Variants in BRD9 observed in about 807,000 individuals in gnomAD.
BRD9 encodes bromodomain containing 9.
A neutral mutation model predicts 68.7 loss-of-function variants in BRD9; 47 were observed. That is an observed-to-expected ratio of 0.68 (90% CI 0.54 to 0.87). The LOEUF (loss-of-function observed/expected upper bound fraction) is 0.87, where lower values mean the gene tolerates loss of function less well. Among genes scored for constraint, BRD9 ranks in the 40% least tolerant of loss-of-function variants. The pLI is 0.00. For synonymous variants in BRD9, 313 were observed against 293.9 expected (o/e 1.06, Z -0.67); for missense variants, 670 against 748.4 (o/e 0.90, Z 1.22).
intron 11 of BRD9, among the ~76,000 whole-genome samples, chr5:877,277 G>A (rs1456447330): frequency 6.6e-6 from 1 of 152,244 alleles, no homozygotes; most frequent in East Asian, 1.9e-4. Flanking sequence ...CACAGCAGGG[G>A]TGAGGTGAGG....
chr5:885,537 G>A (rs914809451), intron 7 of BRD9, among the ~76,000 whole-genome samples: 4 of 152,184 alleles, frequency 2.6e-5, no homozygotes, highest in African/African-American at 9.7e-5. Flanking sequence ...AACTCCAGAC[G>A]GTCCCTGACT....
At chr5:865,927 A>C in intron 14 of BRD9, 5 of 197,702 alleles carry the variant, frequency 2.5e-5, no homozygotes, top group East Asian at 1.2e-4. Context: ...TCAACACACA[A>C]AGGCCAGACA....
intron 14 of BRD9, chr5:868,773 C>G (rs1749718604): frequency 6.5e-6 from 1 of 153,100 alleles, no homozygotes; most frequent in African/African-American, 2.4e-5. Context: ...GGATGTCACT[C>G]TTGTCCCTCT....
At chr5:883,668 G>A in intron 8 of BRD9, 1 of 535,774 alleles carries the variant, frequency 1.9e-6, no homozygotes. Context: ...GGATTAGCCT[G>A]CAGCAGGGCC....
At chr5:892,228 G>A (rs532769296) in intron 1 of BRD9, 9 of 443,050 alleles carry the variant, frequency 2.0e-5, no homozygotes, top group African/African-American at 1.4e-4. Flanking sequence ...AGGCGCCCGT[G>A]CTGCCCGCTG....
At chr5:877,452 T>A (rs1751121700) in intron 11 of BRD9, among the ~76,000 whole-genome samples, 1 of 152,244 alleles carries the variant, frequency 6.6e-6, no homozygotes. Context: ...GGATTCTTGT[T>A]TATTTTTAAA....
intron 12 of BRD9, among the ~76,000 whole-genome samples, 187 bp downstream of exon 12, chr5:875,914 G>C (rs1378494420): frequency 6.6e-6 from 1 of 152,232 alleles, no homozygotes; most frequent in Non-Finnish European, 1.5e-5. Flanking sequence ...GGAGTGGTGA[G>C]CACACAGTCA....
chr5:864,656 C>A, intron 15 of BRD9, 88 bp from the exon 16 acceptor site: 1 of 1,208,062 alleles, frequency 8.3e-7, no homozygotes, highest in Admixed American at 2.0e-5. Context: ...TGCTTCCTGA[C>A]CTACCGCCAG....
chr5:879,038 G>A, intron 10 of BRD9: 1 of 7,718 alleles, frequency 1.3e-4, no homozygotes, highest in South Asian at 1.6e-3. Context: ...GTGTTAGAGG[G>A]TGAGAAGAAG....
At chr5:869,562 T>C (rs557327033) in intron 14 of BRD9, among the ~76,000 whole-genome samples, 2 of 152,316 alleles carry the variant, frequency 1.3e-5, no homozygotes, top group South Asian at 2.1e-4. Flanking sequence ...TCTGGTACCT[T>C]TGAGGGCCTC....
chr5:888,075 C>T (rs1230277243), intron 5 of BRD9, among the ~76,000 whole-genome samples: 2 of 152,200 alleles, frequency 1.3e-5, no homozygotes, highest in African/African-American at 2.4e-5. Context: ...AGCATGACCC[C>T]GGAGGCCGGC....
In BRD9 at chr5:878,353, G is replaced by C. The variant is rs755685034; in HGVS notation, c.1271+2C>G. 1.2e-6 allele frequency: 2 copies of C among 1,613,546 alleles called. No homozygotes were observed. Among genetic ancestry groups the C allele is most frequent in the Admixed American group, 3.3e-5 (2 of 60,016 alleles). The stretch of plus-strand genomic sequence containing the variant: ...CAAGGGCTCCCCGGGGCCGACACTT[G>C]CCTCAGCGCACACTGCACGCCTGTC... On this transcript the variant is annotated splice_donor_variant, in intron 11 of 15. Coordinates refer to ENST00000467963, the MANE Select transcript of BRD9 (RefSeq NM_023924.5). LOFTEE classifies it high-confidence loss of function.
At chr5:884,819 C>G (rs1473753067) in intron 7 of BRD9, among the ~76,000 whole-genome samples, 3 of 152,282 alleles carry the variant, frequency 2.0e-5, no homozygotes, top group Non-Finnish European at 4.4e-5. Flanking sequence ...GCCCCATGAG[C>G]TCCGCAGGGA....
At chr5:876,560 C>G (rs1235850709) in intron 11 of BRD9, among the ~76,000 whole-genome samples, 1 of 152,202 alleles carries the variant, frequency 6.6e-6, no homozygotes, top group Non-Finnish European at 1.5e-5. Flanking sequence ...CAGAAGCACA[C>G]CAGTGGGCAG....
At chr5:871,285 C>T (rs1341695812) in intron 13 of BRD9, among the ~76,000 whole-genome samples, 2 of 152,230 alleles carry the variant, frequency 1.3e-5, no homozygotes, top group Non-Finnish European at 2.9e-5. Context: ...AAGGACAGCA[C>T]CCAGCGGGGC....
chr5:886,489 G>C (rs1752585163), intron 7 of BRD9, 103 bp downstream of exon 7: 2 of 1,119,668 alleles, frequency 1.8e-6, no homozygotes, highest in African/African-American at 3.2e-5. Context: ...TATGTGACAT[G>C]ACATCCGTTC....
chr5:889,923 C>T (rs922513024), intron 3 of BRD9: 21 of 451,864 alleles, frequency 4.6e-5, no homozygotes, highest in South Asian at 3.0e-4. Context: ...ATGTTTTCAG[C>T]TCATACCACT....
chr5:888,656 A>G (rs1308712392), intron 5 of BRD9, among the ~76,000 whole-genome samples: 2 of 152,268 alleles, frequency 1.3e-5, no homozygotes, highest in East Asian at 3.8e-4. Flanking sequence ...ATGCTCAATT[A>G]GTGTAAGACA....
intron 13 of BRD9, among the ~76,000 whole-genome samples, chr5:870,860 G>A (rs1411680075): frequency 6.6e-6 from 1 of 152,190 alleles, no homozygotes; most frequent in African/African-American, 2.4e-5. Context: ...AATTGGGGAG[G>A]GACATTATGC....
Sources: allele counts gnomAD v4.1 joint callset (sites outside exome capture counted in the v4.1 genomes callset), GRCh38; gene constraint gnomAD v4.1.1; transcripts MANE v1.5; gene names NCBI Gene and HGNC (gene_info 2026-07-23, HGNC 2026-07-21).